The following TAF4B variants were observed in gnomAD, a reference collection of about 807,000 sequenced individuals.
TAF4B encodes transcription initiation factor TFIID subunit 4B.
In TAF4B, 38 loss-of-function variants were observed where a neutral mutation model predicts 86.4. That is an observed-to-expected ratio of 0.44 (90% CI 0.34 to 0.58). TAF4B has a LOEUF of 0.58. Ranked by LOEUF, TAF4B falls within the 20% of genes least tolerant of loss-of-function variation. The pLI, the probability that TAF4B is intolerant of heterozygous loss-of-function variation, is 0.02. For missense variants in TAF4B, 988 were observed against 1,027.6 expected (o/e 0.96, Z 0.53); for synonymous variants, 388 against 391.2 (o/e 0.99, Z 0.10).
intron 1 of TAF4B, among the ~76,000 whole-genome samples, chr18:26,263,398 A>AAC (rs1192152379): frequency 2.0e-5 from 3 of 152,158 alleles, no homozygotes; most frequent in Non-Finnish European, 2.9e-5. Context: ...ACGTTTCTCT[A>AAC]ACCCTTGGTA....
intron 1 of TAF4B, among the ~76,000 whole-genome samples, chr18:26,231,345 GT>G (rs2055667015): frequency 2.0e-5 from 1 of 50,670 alleles, no homozygotes; most frequent in African/African-American, 8.5e-5. Context: ...GCTGCTTGGG[GT>G]TTTTTTTTTT....
intron 13 of TAF4B, among the ~76,000 whole-genome samples, chr18:26,339,620 G>C (rs1676989): frequency 0.92 from 140,363 of 152,254 alleles, 65,147 homozygotes; most frequent in East Asian, 0.99. Flanking sequence ...AGACACTGTG[G>C]CCCGCTGAAT....
chr18:26,358,053 T>C (rs1480100777), intron 14 of TAF4B, among the ~76,000 whole-genome samples: 1 of 152,190 alleles, frequency 6.6e-6, no homozygotes, highest in African/African-American at 2.4e-5. Context: ...TCATATTGAA[T>C]CTTCCAGTAT....
At chr18:26,313,131 AT>A (rs1028316096) in intron 9 of TAF4B, among the ~76,000 whole-genome samples, 2 of 152,050 alleles carry the variant, frequency 1.3e-5, no homozygotes, top group African/African-American at 2.4e-5. Flanking sequence ...GAGCTGCATC[AT>A]TTTTTTAAGT....
intron 1 of TAF4B, among the ~76,000 whole-genome samples, chr18:26,229,297 G>T (rs1360849366): frequency 2.0e-5 from 3 of 152,136 alleles, no homozygotes; most frequent in African/African-American, 7.2e-5. Context: ...GGAATTGGTC[G>T]TTATAGAGGA....
chr18:26,347,300 G>A (rs1039401387), intron 13 of TAF4B, among the ~76,000 whole-genome samples: 8 of 151,962 alleles, frequency 5.3e-5, no homozygotes, highest in Admixed American at 3.3e-4. Flanking sequence ...AAAATTAAGG[G>A]AATTCATCAC....
chr18:26,318,751 A>G (rs942009676), intron 10 of TAF4B, among the ~76,000 whole-genome samples: 12 of 152,218 alleles, frequency 7.9e-5, no homozygotes, highest in Non-Finnish European at 2.9e-5. Flanking sequence ...TTTTATTACC[A>G]ATTTAGTGAA....
At chr18:26,339,104 T>G (rs568204308) in intron 13 of TAF4B, among the ~76,000 whole-genome samples, 58 of 152,338 alleles carry the variant, frequency 3.8e-4, no homozygotes, top group Admixed American at 2.0e-3. Context: ...TTCAAACGTT[T>G]TATTTTCAAC....
chr18:26,286,480 C>T lies in TAF4B; in HGVS notation c.1571C>T (p.Ala524Val). Residue 524 changes from alanine to valine, a missense_variant, in exon 7 of 15, where the codon GCA becomes GTA. Ala to Val is a moderately conservative substitution (Grantham distance 64). Coordinates refer to ENST00000269142, the MANE Select transcript of TAF4B (RefSeq NM_005640.3). ...TCACAACCAGCTGGGATTCCACAGG[C>T]AGTTCAAGTCAAGCAACTAGTGAGT... ...VLSQPAGIPQ[A>V]VQVKQLVVQQ... 1 of 1,605,780 alleles carries T rather than the reference C, an allele frequency of 6.2e-7. No individual in the cohort carries two copies. Among genetic ancestry groups the T allele is most frequent in the Non-Finnish European group, 8.5e-7 (1 of 1,177,510 alleles).
chr18:26,260,527 G>A (rs978310482), intron 1 of TAF4B, among the ~76,000 whole-genome samples: 4 of 152,126 alleles, frequency 2.6e-5, no homozygotes, highest in South Asian at 2.1e-4. Context: ...AGCACCATTT[G>A]TTAAATAGGG....
intron 9 of TAF4B, among the ~76,000 whole-genome samples, chr18:26,312,539 A>T (rs1163820809): frequency 6.6e-6 from 1 of 152,168 alleles, no homozygotes; most frequent in Non-Finnish European, 1.5e-5. Flanking sequence ...AGGCTGCAAG[A>T]TTCTAAAAGA....
chr18:26,361,009 C>G (rs1458099562), intron 14 of TAF4B, among the ~76,000 whole-genome samples: 2 of 152,082 alleles, frequency 1.3e-5, no homozygotes, highest in Non-Finnish European at 2.9e-5. Flanking sequence ...TTGGGCAGCA[C>G]TGCAGGACTG....
rs771186391 is a variant in TAF4B at position 26,226,963 on chromosome 18, C to T, written c.30C>T (p.Gly10=). The change falls in exon 1 of 15, where the codon GGC becomes GGT. Residue 10 remains glycine, a synonymous_variant. Coordinates refer to ENST00000269142, the MANE Select transcript of TAF4B (RefSeq NM_005640.3). ...CCGCCGGCCTCACCGAACCCGCCGG[C>T]GCCGCTCCCCCGGCTGCTGTGAGCG... is the stretch of plus-strand genomic sequence containing the variant. MPAGLTEPA[G]AAPPAAVSAS... The T allele has an allele frequency of 3.0e-5, 42 of 1,383,232 alleles. No individual in the cohort carries two copies. In the East Asian group the frequency reaches 1.2e-3, roughly 40 times the overall value. The allele number at this position is 1,383,232 out of a possible 1,614,324, so 85.7% of individuals were successfully genotyped here.
chr18:26,344,214 C>T (rs1296510327), intron 13 of TAF4B, among the ~76,000 whole-genome samples: 6 of 152,180 alleles, frequency 3.9e-5, no homozygotes, highest in Admixed American at 3.9e-4. Flanking sequence ...AACCCAGGTT[C>T]AACTCACATC....
intron 13 of TAF4B, among the ~76,000 whole-genome samples, chr18:26,356,409 C>T (rs1195727060): frequency 6.6e-6 from 1 of 152,164 alleles, no homozygotes; most frequent in Non-Finnish European, 1.5e-5. Flanking sequence ...ATTCTTTTCC[C>T]TAATATTAAA....
intron 13 of TAF4B, among the ~76,000 whole-genome samples, chr18:26,338,282 T>C (rs2057108319): frequency 6.6e-6 from 1 of 151,750 alleles, no homozygotes; most frequent in Admixed American, 6.6e-5. Context: ...ACCCTGTCTC[T>C]ACTAAAAATA....
chr18:26,255,908 A>G (rs1568107771), intron 1 of TAF4B: 4 of 1,238,648 alleles, frequency 3.2e-6, no homozygotes, highest in East Asian at 2.3e-5. Flanking sequence ...TGTTAGAACC[A>G]GAAGCCATCT....
chr18:26,231,903 T>G (rs2055676711), intron 1 of TAF4B, among the ~76,000 whole-genome samples: 1 of 152,134 alleles, frequency 6.6e-6, no homozygotes, highest in African/African-American at 2.4e-5. Flanking sequence ...ATCCCCTTAT[T>G]GGCCCCTCCC....
In TAF4B at chr18:26,238,751, C is replaced by A. The variant is rs1265655404; in HGVS notation, c.343+11475C>A. On this transcript the variant is annotated intron_variant, in intron 1 of 14. Coordinates refer to ENST00000269142, the MANE Select transcript of TAF4B (RefSeq NM_005640.3). ...CTGTCCGTCCCCCTTCCTCCCACCC[C>A]ACGACAGGCCCCAGTGTGTGATGTT... 2.0e-5 allele frequency among the ~76,000 whole-genome samples: 3 copies of A among 152,232 alleles called. 1 individual carries two copies. The highest frequency in any genetic ancestry group is 2.9e-5 in the Non-Finnish European group (2 of 68,004).
Sources: gnomAD v4.1 joint callset for allele counts (sites outside exome capture counted in the v4.1 genomes callset) on GRCh38, gnomAD v4.1.1 for gene constraint, MANE v1.5 for transcripts, NCBI Gene and HGNC (gene_info 2026-07-23, HGNC 2026-07-21) for gene names.